The following DIS3L2 variants were observed in gnomAD, a reference collection of about 807,000 sequenced individuals.
DIS3L2 encodes the protein DIS3 like 3'-5' exoribonuclease 2.
Under a neutral mutation model 97.5 loss-of-function variants are expected in DIS3L2, and 34 were observed. That is an observed-to-expected ratio of 0.35 (90% CI 0.27 to 0.46). The LOEUF (loss-of-function observed/expected upper bound fraction) is 0.46, where lower values mean the gene tolerates loss of function less well. DIS3L2 is among the 20% of genes least tolerant of loss of function. DIS3L2 has a pLI of 1.00. For missense variants in DIS3L2, 1,038 were observed against 1,146.0 expected, an observed-to-expected ratio of 0.91 and a Z score of 1.36; for synonymous variants, 435 against 445.2, an observed-to-expected ratio of 0.98 and a Z score of 0.29.
intron 10 of DIS3L2, among the ~76,000 whole-genome samples, chr2:232,216,777 G>T (rs1380739921): frequency 6.6e-6 from 1 of 152,114 alleles, no homozygotes; most frequent in Non-Finnish European, 1.5e-5. Context: ...GAAGGTGGGA[G>T]ATGAATCAGA....
chr2:232,174,750 G>T (rs1691101339), intron 9 of DIS3L2, among the ~76,000 whole-genome samples: 1 of 152,026 alleles, frequency 6.6e-6, no homozygotes, highest in Admixed American at 6.6e-5. Context: ...ACTCAAGCTA[G>T]GACCTTCTGT....
At chr2:232,197,654 G>A (rs373992849) in intron 9 of DIS3L2, among the ~76,000 whole-genome samples, 25 of 152,130 alleles carry the variant, frequency 1.6e-4, no homozygotes, top group East Asian at 1.2e-3. Context: ...TACATCCAGA[G>A]TTTTTAAATC....
chr2:232,169,334 C>T (rs1034453941), intron 9 of DIS3L2, among the ~76,000 whole-genome samples: 3 of 151,690 alleles, frequency 2.0e-5, no homozygotes, highest in East Asian at 1.9e-4. Context: ...TCATATATGC[C>T]GTATATGTCA....
intron 8 of DIS3L2, among the ~76,000 whole-genome samples, chr2:232,159,451 A>G (rs1036378903): frequency 6.6e-6 from 1 of 152,188 alleles, no homozygotes; most frequent in East Asian, 1.9e-4. Context: ...TAAGTCACAC[A>G]CAGTGTACTG....
intron 3 of DIS3L2, among the ~76,000 whole-genome samples, chr2:232,017,028 A>C (rs191524421): frequency 6.6e-6 from 1 of 150,870 alleles, no homozygotes; most frequent in African/African-American, 2.4e-5. Flanking sequence ...AAAGAAAACT[A>C]TCTTTTAAAA....
At chr2:232,029,804 A>G (rs577846239) in intron 4 of DIS3L2, among the ~76,000 whole-genome samples, 175 bp from the exon 5 acceptor site, 35 of 151,880 alleles carry the variant, frequency 2.3e-4, no homozygotes, top group Non-Finnish European at 4.1e-4. Flanking sequence ...TACTTTCTTG[A>G]TATGTAAAAA....
At chr2:232,008,189 CTT>C (rs35011144) in intron 1 of DIS3L2, among the ~76,000 whole-genome samples, 22 of 127,710 alleles carry the variant, frequency 1.7e-4, no homozygotes, top group Non-Finnish European at 1.9e-4. Context: ...ATTTTTTGTA[CTT>C]TTTTTTTTTT....
At chr2:232,278,671 T>C in intron 13 of DIS3L2, among the ~76,000 whole-genome samples, 1 of 152,216 alleles carries the variant, frequency 6.6e-6, no homozygotes, top group East Asian at 1.9e-4. Context: ...TGCAGAGTAG[T>C]ATTCTGTTGT....
At chr2:232,060,220 G>A (rs1040269327) in intron 5 of DIS3L2, among the ~76,000 whole-genome samples, 14 of 151,848 alleles carry the variant, frequency 9.2e-5, no homozygotes, top group Admixed American at 2.0e-4. Flanking sequence ...TTCCTTTGCC[G>A]TGCAGTTTTT....
At chr2:232,021,434 T>C (rs899082592) in intron 3 of DIS3L2, among the ~76,000 whole-genome samples, 1 of 151,550 alleles carries the variant, frequency 6.6e-6, no homozygotes, top group Non-Finnish European at 1.5e-5. Flanking sequence ...CATCGGAAAG[T>C]GCGATATTTG....
At chr2:232,189,281 A>T (rs1461883323) in intron 9 of DIS3L2, among the ~76,000 whole-genome samples, 1 of 152,226 alleles carries the variant, frequency 6.6e-6, no homozygotes, top group African/African-American at 2.4e-5. Flanking sequence ...ATGAATTTCT[A>T]TAGCAGTTTT....
intron 13 of DIS3L2, among the ~76,000 whole-genome samples, chr2:232,267,576 C>T (rs1239972432): frequency 2.6e-5 from 4 of 152,094 alleles, no homozygotes; most frequent in Non-Finnish European, 5.9e-5. Flanking sequence ...AAAGGGAGCT[C>T]CCATAACAGG....
chr2:232,232,330 C>T (rs533201112), intron 10 of DIS3L2, among the ~76,000 whole-genome samples: 2 of 151,008 alleles, frequency 1.3e-5, no homozygotes, highest in African/African-American at 2.4e-5. Context: ...GATGGTGAGG[C>T]GACAGGCAGA....
intron 12 of DIS3L2, among the ~76,000 whole-genome samples, chr2:232,262,713 C>T (rs540942230): frequency 5.3e-5 from 8 of 152,278 alleles, no homozygotes; most frequent in African/African-American, 1.7e-4. Flanking sequence ...ATGGAAAAGT[C>T]GGAATGGGTT....
intron 3 of DIS3L2, among the ~76,000 whole-genome samples, chr2:232,022,111 A>C (rs1187172654): frequency 6.6e-6 from 1 of 152,162 alleles, no homozygotes; most frequent in Non-Finnish European, 1.5e-5. Flanking sequence ...TAGTTAAATG[A>C]CCATTTGTTT....
chr2:232,084,808 A>AAAAT (rs200050718), intron 5 of DIS3L2, among the ~76,000 whole-genome samples: 2,110 of 151,826 alleles, frequency 0.014, 22 homozygotes, highest in Non-Finnish European at 0.021. Flanking sequence ...TCAAAAAAAA[A>AAAAT]AAAGCATTGT....
chr2:232,328,466 G>A (rs1433752589), intron 14 of DIS3L2: 1 of 152,176 alleles, frequency 6.6e-6, no homozygotes, highest in East Asian at 1.9e-4. Flanking sequence ...GCCCACCCTG[G>A]GTGGAGGAGG....
chr2:232,313,285 G>C (rs1447188937), intron 14 of DIS3L2, among the ~76,000 whole-genome samples: 1 of 152,084 alleles, frequency 6.6e-6, no homozygotes, highest in Non-Finnish European at 1.5e-5. Flanking sequence ...TTCAATTTGG[G>C]AACTTTTTTT....
intron 5 of DIS3L2, among the ~76,000 whole-genome samples, chr2:232,041,516 A>G (rs1303041471): frequency 1.3e-5 from 2 of 152,214 alleles, no homozygotes; most frequent in South Asian, 2.1e-4. Flanking sequence ...GACTAGAGCC[A>G]TACTGGGAGC....
Sources: allele counts gnomAD v4.1 joint callset (sites outside exome capture counted in the v4.1 genomes callset), GRCh38; gene constraint gnomAD v4.1.1; transcripts MANE v1.5; gene names NCBI Gene and HGNC (gene_info 2026-07-23, HGNC 2026-07-21).